ARHGAP15: variants seen among roughly 807,000 people sequenced by gnomAD.
The protein encoded by ARHGAP15 is Rho GTPase activating protein 15.
A neutral mutation model predicts 63.7 loss-of-function variants in ARHGAP15; 51 were observed. That is an observed-to-expected ratio of 0.80 (90% CI 0.64 to 1.01). ARHGAP15 has a LOEUF of 1.01. Among genes scored for constraint, ARHGAP15 ranks in the 50% least tolerant of loss-of-function variants. The pLI is 0.00. For synonymous variants in ARHGAP15, 191 were observed against 193.8 expected (o/e 0.99, Z 0.12); for missense variants, 560 against 564.6 (o/e 0.99, Z 0.08).
chr2:143,289,966 C>T (rs1479864534), intron 6 of ARHGAP15, among the ~76,000 whole-genome samples: 1 of 152,142 alleles, frequency 6.6e-6, no homozygotes, highest in African/African-American at 2.4e-5. Context: ...AAAGGACTTT[C>T]TTAAATACCC....
At chr2:143,453,385 T>C (rs1260465314) in intron 8 of ARHGAP15, among the ~76,000 whole-genome samples, 2 of 151,990 alleles carry the variant, frequency 1.3e-5, no homozygotes, top group Non-Finnish European at 2.9e-5. Context: ...AAAATGTCAA[T>C]AATAATAGTA....
chr2:143,224,446 C>T (rs985172501), intron 4 of ARHGAP15, among the ~76,000 whole-genome samples: 2 of 152,062 alleles, frequency 1.3e-5, no homozygotes, highest in Non-Finnish European at 2.9e-5. Context: ...ATGCCCAGTA[C>T]TGGAAATGCT....
intron 10 of ARHGAP15, among the ~76,000 whole-genome samples, chr2:143,549,597 G>A (rs1695472342): frequency 6.6e-6 from 1 of 152,160 alleles, no homozygotes; most frequent in South Asian, 2.1e-4. Flanking sequence ...TGAGAACTGG[G>A]CTCCTCTTTC....
At chr2:143,376,151 T>C (rs1219505472) in intron 6 of ARHGAP15, among the ~76,000 whole-genome samples, 2 of 152,216 alleles carry the variant, frequency 1.3e-5, no homozygotes, top group African/African-American at 2.4e-5. Flanking sequence ...TGCAACCCTT[T>C]AGTATTCTAA....
intron 12 of ARHGAP15, among the ~76,000 whole-genome samples, chr2:143,692,723 G>C (rs16822931): frequency 6.6e-6 from 1 of 152,200 alleles, no homozygotes; most frequent in South Asian, 2.1e-4. Context: ...TTGAGCAACG[G>C]AAGTACAGGT....
intron 1 of ARHGAP15, among the ~76,000 whole-genome samples, chr2:143,150,492 T>G (rs1253391564): frequency 6.6e-6 from 1 of 151,966 alleles, no homozygotes; most frequent in Non-Finnish European, 1.5e-5. Context: ...CTGCTTCCTG[T>G]TTTTAAACAG....
chr2:143,183,487 G>A lies in ARHGAP15; in HGVS notation c.166-18647G>A, dbSNP rs561263074. Among the ~76,000 whole-genome samples the A allele has an allele frequency of 3.3e-5, 5 of 152,178 alleles. No homozygotes were observed. The South Asian group carries it at 1.0e-3, about 32-fold the overall frequency. ...AACAGCATCAGTGGGCACCATCAGA[G>A]GCTACAATTTTTTTTGTACTGATTC... On this transcript the variant is annotated intron_variant, in intron 2 of 13. Transcript: ENST00000295095.
intron 13 of ARHGAP15, among the ~76,000 whole-genome samples, chr2:143,744,964 T>G (rs1478071904): frequency 6.6e-6 from 1 of 152,226 alleles, no homozygotes; most frequent in African/African-American, 2.4e-5. Flanking sequence ...CCAAGACATA[T>G]CCCATTTACA....
intron 10 of ARHGAP15, among the ~76,000 whole-genome samples, chr2:143,529,344 G>A (rs1300306464): frequency 1.3e-5 from 2 of 151,910 alleles, no homozygotes; most frequent in Admixed American, 1.3e-4. Context: ...TTCACTTTCT[G>A]TGACCTTGAT....
At chr2:143,704,915 T>A (rs1398982276) in intron 13 of ARHGAP15, among the ~76,000 whole-genome samples, 2 of 152,156 alleles carry the variant, frequency 1.3e-5, no homozygotes, top group Non-Finnish European at 2.9e-5. Context: ...AAAACTGAAA[T>A]CTGCCTACCA....
At chr2:143,235,851 C>G in intron 5 of ARHGAP15, 1 of 1,407,444 alleles carries the variant, frequency 7.1e-7, no homozygotes, top group South Asian at 1.5e-5. Flanking sequence ...TTCAGGTACA[C>G]TTTCCTATTT....
intron 2 of ARHGAP15, among the ~76,000 whole-genome samples, chr2:143,171,491 G>C (rs1690779584): frequency 1.3e-5 from 2 of 152,084 alleles, no homozygotes; most frequent in South Asian, 4.1e-4. Flanking sequence ...GCTAAAGATG[G>C]AGCTGGAGTT....
chr2:143,636,815 A>G (rs1680340707), intron 12 of ARHGAP15, among the ~76,000 whole-genome samples: 1 of 152,098 alleles, frequency 6.6e-6, no homozygotes, highest in Admixed American at 6.6e-5. Context: ...TCTCAGTCAG[A>G]TCAGGAAGCT....
intron 9 of ARHGAP15, among the ~76,000 whole-genome samples, chr2:143,493,067 CAAAA>C (rs201675531): frequency 2.3e-5 from 3 of 128,804 alleles, no homozygotes; most frequent in Non-Finnish European, 3.7e-5. Flanking sequence ...CAAAAAAAAA[CAAAA>C]AAAACCATCA....
intron 5 of ARHGAP15, among the ~76,000 whole-genome samples, chr2:143,231,482 T>C (rs1405283505): frequency 1.3e-5 from 2 of 152,212 alleles, no homozygotes; most frequent in African/African-American, 4.8e-5. Context: ...CAGCCATCCA[T>C]TTAGGGCTCT....
At chr2:143,413,966 T>TGTGTGTGTGCGCGCGCACGC in intron 6 of ARHGAP15, among the ~76,000 whole-genome samples, 2 of 117,924 alleles carry the variant, frequency 1.7e-5, no homozygotes, top group Admixed American at 1.8e-4. Context: ...TGTGTGTGTG[T>TGTGTGTGTGCGCGCGCACGC]GCGCGCTCTC....
chr2:143,316,753 C>A (rs1683739226), intron 6 of ARHGAP15, among the ~76,000 whole-genome samples: 2 of 151,852 alleles, frequency 1.3e-5, no homozygotes, highest in Non-Finnish European at 2.9e-5. Flanking sequence ...ATCAAACAAT[C>A]TAATGCCTCA....
chr2:143,351,651 T>G (rs762223747), intron 6 of ARHGAP15, among the ~76,000 whole-genome samples: 8 of 152,168 alleles, frequency 5.3e-5, no homozygotes, highest in African/African-American at 1.4e-4. Context: ...TTTGGGCATC[T>G]GTAATTATGT....
intron 1 of ARHGAP15, among the ~76,000 whole-genome samples, chr2:143,134,627 CTTTTCT>C (rs1689057097): frequency 8.0e-6 from 1 of 125,196 alleles, no homozygotes; most frequent in Non-Finnish European, 1.6e-5. Flanking sequence ...TGCTGTATTC[CTTTTCT>C]TTTTTTTTTT....
Sources: allele counts gnomAD v4.1 joint callset (sites outside exome capture counted in the v4.1 genomes callset), GRCh38; gene constraint gnomAD v4.1.1; transcripts MANE v1.5; gene names NCBI Gene and HGNC (gene_info 2026-07-23, HGNC 2026-07-21).